SHANK2: variants seen among roughly 807,000 people sequenced by gnomAD.
SHANK2 encodes the protein SH3 and multiple ankyrin repeat domains 2.
A neutral mutation model predicts 133.7 loss-of-function variants in SHANK2; 43 were observed. The observed-to-expected ratio is 0.32, with a 90% CI of 0.25 to 0.41. The LOEUF is 0.41. Ranked by LOEUF, SHANK2 falls within the 10% of genes least tolerant of loss-of-function variation. The pLI is 1.00. For synonymous variants in SHANK2, 1,017 were observed against 952.8 expected (o/e 1.07, Z -1.24); for missense variants, 1,994 against 2,235.8 (o/e 0.89, Z 2.18).
chr11:70,911,052 A>T (rs535787862), intron 10 of SHANK2: 5 of 457,100 alleles, frequency 1.1e-5, no homozygotes, highest in African/African-American at 1.0e-4. Flanking sequence ...TCACACTCAG[A>T]AGATCGGCAT....
intron 13 of SHANK2, 63 bp downstream of exon 13, chr11:70,806,939 G>T (rs1296865528): frequency 3.0e-6 from 2 of 674,174 alleles, no homozygotes; most frequent in African/African-American, 1.8e-5. Flanking sequence ...CCCACAGCAG[G>T]CCGGGTGAAG....
In SHANK2 at chr11:70,486,972, C is replaced by T. The variant is rs2058818095; in HGVS notation, c.3321G>A (p.Leu1107=). ...GCCCCAGGCCCACATCCTCATCCCC[C>T]AGGTCTGTGGAGAGGAAGGCCGGGG... ...RNSPAFLSTD[L]GDEDVGLGPP... The change falls in exon 25 of 26, where the codon CTG becomes CTA. Residue 1107 remains leucine, a synonymous_variant. Transcript: ENST00000601538. This position sits in a 1 kb window ranked among gnomAD's most constrained non-coding sequence, Gnocchi z 8.0. 4 of 1,612,076 alleles carry T rather than the reference C, an allele frequency of 2.5e-6. No homozygotes were observed. In the African/African-American group the frequency reaches 4.0e-5, roughly 16 times the overall value.
At chr11:70,772,439 C>A (rs1947272038) in intron 14 of SHANK2, among the ~76,000 whole-genome samples, 5 of 136,634 alleles carry the variant, frequency 3.7e-5, no homozygotes, top group African/African-American at 8.1e-5. Context: ...GACTCTGTCT[C>A]AAAAAAAAAA....
intron 11 of SHANK2, among the ~76,000 whole-genome samples, chr11:70,876,237 C>CACGTAT (rs4025747): frequency 6.8e-6 from 1 of 147,422 alleles, no homozygotes; most frequent in African/African-American, 2.6e-5. Context: ...CACACACACA[C>CACGTAT]ATATAGACAC....
At position 70,807,069 on chromosome 11, in the gene SHANK2, G is replaced by A. The variant is rs113412646; in HGVS notation, c.1596C>T (p.Val532=). Residue 532 remains valine (V), a synonymous_variant, in exon 13 of 26, where the codon GTC becomes GTT. Transcript: ENST00000601538. This position sits in a 1 kb window ranked among gnomAD's most constrained non-coding sequence, Gnocchi z 4.8. ...CTTGGGGTTGGTATGGCTTGACAGC[G>A]ACGAAGAGCCTCCCGGGCACGGCAC... The part of the protein sequence containing the change: ...LYSAVPGRLF[V]AVKPYQPQVD... 28 of 717,836 alleles carry A rather than the reference G, an allele frequency of 3.9e-5. No individual in the cohort carries two copies. The highest frequency in any genetic ancestry group is 4.6e-4 in the Middle Eastern group (2 of 4,394). The allele number at this position is 717,836 out of a possible 1,614,324, so 44.5% of individuals were successfully genotyped here. A position where few individuals can be genotyped will look rare whatever the true frequency, so the allele number is the denominator to read the frequency against.
intron 25 of SHANK2, among the ~76,000 whole-genome samples, chr11:70,480,299 A>G (rs1159417435): frequency 6.6e-6 from 1 of 152,178 alleles, no homozygotes; most frequent in Non-Finnish European, 1.5e-5. Flanking sequence ...GGTCATTCAA[A>G]TGTCATTTCC....
chr11:70,784,343 G>GTTTTTTTTTTTTT (rs71049942), intron 14 of SHANK2, among the ~76,000 whole-genome samples: 3 of 42,846 alleles, frequency 7.0e-5, no homozygotes, highest in African/African-American at 2.4e-4. Context: ...ACACCGGCTA[G>GTTTTTTTTTTTTT]TTTTTTTTTT....
intron 17 of SHANK2, among the ~76,000 whole-genome samples, chr11:70,560,044 G>T (rs1384060525): frequency 6.6e-6 from 1 of 151,966 alleles, no homozygotes; most frequent in Non-Finnish European, 1.5e-5. Context: ...GCTAATTTTT[G>T]GATTTTTAGT....
intron 8 of SHANK2, among the ~76,000 whole-genome samples, chr11:71,082,751 G>A (rs1371521367): frequency 6.6e-6 from 1 of 152,212 alleles, no homozygotes; most frequent in East Asian, 1.9e-4. Context: ...GAGAGGAGAA[G>A]TCACTGTGGC....
intron 25 of SHANK2, among the ~76,000 whole-genome samples, chr11:70,481,045 C>A (rs2058726129): frequency 6.6e-6 from 1 of 152,224 alleles, no homozygotes; most frequent in African/African-American, 2.4e-5. Flanking sequence ...CTTCCCCAAA[C>A]CAGTTTCCTT....
intron 2 of SHANK2, among the ~76,000 whole-genome samples, chr11:71,201,855 G>T (rs543382040): frequency 9.2e-5 from 14 of 152,282 alleles, no homozygotes; most frequent in Admixed American, 5.2e-4. Context: ...TCCTCCAGTC[G>T]CCCTGACCCG....
chr11:70,680,264 C>G (rs1555018073), intron 15 of SHANK2, among the ~76,000 whole-genome samples: 2 of 152,182 alleles, frequency 1.3e-5, no homozygotes, highest in African/African-American at 4.8e-5. Flanking sequence ...CTGTGAGTGT[C>G]CTGTGACGGC....
intron 17 of SHANK2, among the ~76,000 whole-genome samples, chr11:70,537,226 C>G: frequency 6.6e-6 from 1 of 152,208 alleles, no homozygotes; most frequent in South Asian, 2.1e-4. Flanking sequence ...GGAGGGAAAC[C>G]TCCCCCCAGG....
intron 17 of SHANK2, among the ~76,000 whole-genome samples, chr11:70,523,625 G>A (rs2135939381): frequency 6.6e-6 from 1 of 152,274 alleles, no homozygotes; most frequent in Non-Finnish European, 1.5e-5. Context: ...CCCCCTCCCT[G>A]GCTGTCCTTC....
chr11:70,891,379 G>A (rs538802207), intron 11 of SHANK2, among the ~76,000 whole-genome samples: 83 of 152,218 alleles, frequency 5.5e-4, no homozygotes, highest in Non-Finnish European at 9.3e-4. Context: ...GCGGGCGCCC[G>A]TAGTCCCAGC....
chr11:70,839,382 T>C (rs1475805976), intron 11 of SHANK2, among the ~76,000 whole-genome samples: 4 of 152,124 alleles, frequency 2.6e-5, no homozygotes, highest in Admixed American at 6.5e-5. Context: ...CAGCCCGTGG[T>C]ATCCGGCAGC....
chr11:70,717,346 G>T (rs1258202922), intron 14 of SHANK2, among the ~76,000 whole-genome samples: 1 of 152,170 alleles, frequency 6.6e-6, no homozygotes, highest in African/African-American at 2.4e-5. Context: ...CCCACTAGCC[G>T]CTCAAAGGGA....
intron 2 of SHANK2, among the ~76,000 whole-genome samples, chr11:71,211,937 G>A (rs1249178721): frequency 6.6e-6 from 1 of 152,134 alleles, no homozygotes; most frequent in African/African-American, 2.4e-5. Context: ...ACACTGGAAC[G>A]ACTCTGGCTT....
At chr11:70,825,842 A>C (rs1478100802) in intron 11 of SHANK2, among the ~76,000 whole-genome samples, 1 of 152,112 alleles carries the variant, frequency 6.6e-6, no homozygotes, top group South Asian at 2.1e-4. Flanking sequence ...ATTCCACCCA[A>C]CTGTTTCCTT....
Sources: gnomAD v4.1 joint callset for allele counts (sites outside exome capture counted in the v4.1 genomes callset) on GRCh38, gnomAD v4.1.1 for gene constraint, Gnocchi (gnomAD v3.1) non-coding constraint, MANE v1.5 for transcripts, NCBI Gene and HGNC (gene_info 2026-07-23, HGNC 2026-07-21) for gene names.